CELF2: variants seen among roughly 807,000 people sequenced by gnomAD.
CELF2 encodes CUG triplet repeat RNA-binding protein 2.
Under a neutral mutation model 62.6 loss-of-function variants are expected in CELF2, and 8 were observed. That is an observed-to-expected ratio of 0.13 (90% confidence interval 0.07 to 0.23). CELF2 has a LOEUF of 0.23. Ranked by LOEUF, CELF2 falls within the 10% of genes least tolerant of loss-of-function variation. CELF2 has a pLI of 1.00. For synonymous variants in CELF2, 258 were observed against 250.0 expected, an observed-to-expected ratio of 1.03 and a Z score of -0.30; for missense variants, 333 against 671.0, an observed-to-expected ratio of 0.50 and a Z score of 5.56.
At chr10:11,197,025 A>AAAGAAAGAAGGAAGG (rs1554936315) in intron 2 of CELF2, among the ~76,000 whole-genome samples, 1 of 26,048 alleles carries the variant, frequency 3.8e-5, no homozygotes, top group African/African-American at 1.8e-4. Flanking sequence ...AGAAAGAAAG[A>AAAGAAAGAAGGAAGG]AAAGAAAGAA....
chr10:10,961,627 TC>T (rs2049511971), intron 2 of CELF2, among the ~76,000 whole-genome samples: 1 of 151,292 alleles, frequency 6.6e-6, no homozygotes, highest in Non-Finnish European at 1.5e-5. Flanking sequence ...GCGCCTATAA[TC>T]CCAGCTACGC....
At chr10:10,653,900 A>G in the CELF2 span, among the ~76,000 whole-genome samples, 1 of 151,954 alleles carries the variant, frequency 6.6e-6, no homozygotes, top group South Asian at 2.1e-4. Flanking sequence ...AGACACAAAA[A>G]ACCCTTCAAA....
At chr10:11,132,084 G>A (rs527450972) in intron 1 of CELF2, among the ~76,000 whole-genome samples, 70 of 152,352 alleles carry the variant, frequency 4.6e-4, no homozygotes, top group African/African-American at 1.5e-3. Context: ...TGTGCCCAAT[G>A]TAAGTCTGTC....
rs896692910 is a variant in CELF2, at chr10:10,891,465, T to C, written c.54-28499T>C. ...GCAGCACCTTTTACCGAATGTCTTC[T>C]CTGTGCCAGATGCAATACTAGATAC... On this transcript the variant is annotated intron_variant, in intron 1 of 13. Coordinates refer to the CELF2 transcript ENST00000636488. 2.6e-5 allele frequency among the ~76,000 whole-genome samples: 4 copies of C among 152,080 alleles called. No homozygotes were observed. In the East Asian group the frequency reaches 5.8e-4, roughly 22 times the overall value.
intron 1 of CELF2, among the ~76,000 whole-genome samples, chr10:11,126,811 A>G (rs78775834): frequency 0.017 from 2,591 of 151,638 alleles, 69 homozygotes; most frequent in African/African-American, 0.059. Context: ...TTCATGGTTT[A>G]TTACATGCCC....
At chr10:10,745,068 T>C in the CELF2 span, among the ~76,000 whole-genome samples, 1 of 144,408 alleles carries the variant, frequency 6.9e-6, no homozygotes. Context: ...CCATGAAAGA[T>C]AGGCAGAACG....
intron 2 of CELF2, among the ~76,000 whole-genome samples, chr10:10,966,172 G>A (rs944727264): frequency 6.6e-6 from 1 of 152,176 alleles, no homozygotes; most frequent in African/African-American, 2.4e-5. Flanking sequence ...GCATGTCCAG[G>A]CAGTGTCCAC....
chr10:10,605,363 G>T, the CELF2 span, among the ~76,000 whole-genome samples: 1 of 152,126 alleles, frequency 6.6e-6, no homozygotes, highest in African/African-American at 2.4e-5. Flanking sequence ...GTGCAGCAAA[G>T]CACCTTGGTA....
At chr10:10,876,610 G>T (rs941600246) in intron 1 of CELF2, among the ~76,000 whole-genome samples, 15 of 152,216 alleles carry the variant, frequency 9.9e-5, no homozygotes, top group African/African-American at 3.6e-4. Flanking sequence ...CTGGTTTTTT[G>T]ATGTCTGCAG....
At chr10:10,558,805 T>C in the CELF2 span, among the ~76,000 whole-genome samples, 1 of 152,202 alleles carries the variant, frequency 6.6e-6, no homozygotes, top group Non-Finnish European at 1.5e-5. Context: ...TTCTTCTAGA[T>C]TTTCTAGTTA....
the CELF2 span, among the ~76,000 whole-genome samples, chr10:10,736,853 A>G: frequency 1.3e-5 from 2 of 152,120 alleles, no homozygotes; most frequent in Admixed American, 1.3e-4. Context: ...TTGGATCGTG[A>G]TGATTGGTAC....
chr10:10,748,282 T>C, the CELF2 span, among the ~76,000 whole-genome samples: 1 of 152,204 alleles, frequency 6.6e-6, no homozygotes, highest in African/African-American at 2.4e-5. Flanking sequence ...ATGGATACCT[T>C]AATACCCTGA....
At chr10:11,193,761 C>T (rs1284581875) in intron 2 of CELF2, among the ~76,000 whole-genome samples, 1 of 152,174 alleles carries the variant, frequency 6.6e-6, no homozygotes, top group African/African-American at 2.4e-5. Flanking sequence ...ACTGTTTGAT[C>T]TTATGCATGG....
At chr10:10,804,688 G>A (rs1368165790) in intron 1 of CELF2, among the ~76,000 whole-genome samples, 1 of 152,228 alleles carries the variant, frequency 6.6e-6, no homozygotes, top group Non-Finnish European at 1.5e-5. Flanking sequence ...TATGGAGTGT[G>A]TGAGAACCTC....
At chr10:10,767,696 C>G in the CELF2 span, among the ~76,000 whole-genome samples, 1 of 152,010 alleles carries the variant, frequency 6.6e-6, no homozygotes. Flanking sequence ...GGGAAGTAAG[C>G]GGTAAAAATA....
At chr10:11,111,515 AAGGCTATTGTC>A (rs1157895220) in intron 1 of CELF2, among the ~76,000 whole-genome samples, 3 of 152,230 alleles carry the variant, frequency 2.0e-5, no homozygotes, top group Admixed American at 2.0e-4. Context: ...GTTCTAGAGG[AAGGCTATTGTC>A]AGTCACAAAG....
At chr10:11,005,257 AG>A, upstream of CELF2, 3 of 350,278 alleles carry the variant, frequency 8.6e-6, no homozygotes, top group East Asian at 1.4e-4. This position sits in a 1 kb window ranked among gnomAD's most constrained non-coding sequence, Gnocchi z 4.3. Context: ...AGAGAGAGGG[AG>A]AGAGAGAGAG....
At chr10:10,702,480 T>G in the CELF2 span, among the ~76,000 whole-genome samples, 1 of 152,230 alleles carries the variant, frequency 6.6e-6, no homozygotes, top group Non-Finnish European at 1.5e-5. Flanking sequence ...ACCAAGCTTA[T>G]TACATCTCTA....
intron 1 of CELF2, among the ~76,000 whole-genome samples, chr10:11,121,639 A>G (rs943151962): frequency 3.9e-5 from 6 of 152,164 alleles, no homozygotes; most frequent in Non-Finnish European, 5.9e-5. Context: ...AATAAATATA[A>G]GTTAATATTC....
Sources: gnomAD v4.1 joint callset for allele counts (sites outside exome capture counted in the v4.1 genomes callset) on GRCh38, gnomAD v4.1.1 for gene constraint, Gnocchi (gnomAD v3.1) non-coding constraint, MANE v1.5 for transcripts, NCBI Gene and HGNC (gene_info 2026-07-23, HGNC 2026-07-21) for gene names.